Variants in EPHA3 observed in about 807,000 individuals in gnomAD.
The protein encoded by EPHA3 is ephrin type-A receptor 3.
In EPHA3, 42 loss-of-function variants were observed where a neutral mutation model predicts 107.1. The ratio of observed to expected loss-of-function variants is 0.39; its 90% CI spans 0.31 to 0.51. The LOEUF is 0.51. Among genes scored for constraint, EPHA3 ranks in the 20% least tolerant of loss-of-function variants. EPHA3 has a pLI of 0.78. For synonymous variants in EPHA3, 461 were observed against 424.8 expected, an observed-to-expected ratio of 1.09 and a Z score of -1.05; for missense variants, 1,183 against 1,211.2, an observed-to-expected ratio of 0.98 and a Z score of 0.35.
At chr3:89,272,248 G>A (rs73135456) in intron 3 of EPHA3, among the ~76,000 whole-genome samples, 4 of 151,298 alleles carry the variant, frequency 2.6e-5, no homozygotes, top group South Asian at 2.1e-4. Context: ...AGGGTCAACC[G>A]TACTACCATT....
At chr3:89,159,695 C>A (rs539025651) in intron 2 of EPHA3, among the ~76,000 whole-genome samples, 6 of 152,024 alleles carry the variant, frequency 3.9e-5, no homozygotes, top group East Asian at 1.9e-4. Context: ...GAATCCAAAG[C>A]GGATAAATAT....
intron 16 of EPHA3, among the ~76,000 whole-genome samples, chr3:89,473,378 A>G (rs1710444921): frequency 6.6e-6 from 1 of 152,174 alleles, no homozygotes; most frequent in Non-Finnish European, 1.5e-5. Flanking sequence ...GACTCAAGGA[A>G]AGGTGGTATA....
intron 3 of EPHA3, among the ~76,000 whole-genome samples, chr3:89,287,531 A>G (rs1706117207): frequency 1.3e-5 from 2 of 152,080 alleles, no homozygotes; most frequent in South Asian, 2.1e-4. Flanking sequence ...GCTAAGAAAA[A>G]GAAAGAAGCA....
chr3:89,252,234 G>C (rs567670814), intron 3 of EPHA3, among the ~76,000 whole-genome samples: 1 of 151,976 alleles, frequency 6.6e-6, no homozygotes, highest in Non-Finnish European at 1.5e-5. Context: ...ATGTTTCATT[G>C]AATTCTTTGA....
In EPHA3 at chr3:89,419,339, G is replaced by A. The variant is rs1378861144; in HGVS notation, c.2023G>A (p.Gly675Arg). The A allele has an allele frequency of 1.2e-6, 2 of 1,609,678 alleles. No homozygotes were observed. Among genetic ancestry groups the A allele is most frequent in the Admixed American group, 1.7e-5 (1 of 59,552 alleles). The change falls in exon 11 of 17, where the codon GGA becomes AGA. Residue 675 changes from glycine to arginine, a missense_variant. Physicochemically the swap from Gly to Arg is moderately radical, Grantham distance 125. Transcript: ENST00000336596. ...RDFLGEASIMGQFDHPNIIRL... is the reference protein window; with the variant it reads ...RDFLGEASIMRQFDHPNIIRL... Reference sequence around the variant, plus strand: ...CTTCCTGGGAGAAGCAAGCATTATGGGACAGTTTGACCACCCCAATATCAT... The same window carrying A: ...CTTCCTGGGAGAAGCAAGCATTATGAGACAGTTTGACCACCCCAATATCAT...
intron 3 of EPHA3, among the ~76,000 whole-genome samples, chr3:89,226,309 A>T (rs1704502591): frequency 6.6e-6 from 1 of 152,118 alleles, no homozygotes; most frequent in Admixed American, 6.6e-5. Context: ...ATAAAGTGAC[A>T]TCATGTTTTT....
Position 89,241,496 on chromosome 3 carries a change from G to T in EPHA3, c.814+30976G>T, listed in dbSNP as rs1458599998. Among the ~76,000 whole-genome samples the T allele has an allele frequency of 2.0e-5, 3 of 151,940 alleles. No individual in the cohort carries two copies. In the East Asian group the frequency reaches 5.8e-4, roughly 29 times the overall value. On this transcript the variant is annotated intron_variant, in intron 3 of 16. Coordinates refer to ENST00000336596, the MANE Select transcript of EPHA3 (RefSeq NM_005233.6). Reference sequence around the variant, plus strand: ...CAATAATGATAACATTTCTACTATTGTGTATATTAAGACTATTATACCTGC... The same window carrying T: ...CAATAATGATAACATTTCTACTATTTTGTATATTAAGACTATTATACCTGC...
At chr3:89,114,516 G>A (rs1456721935) in intron 1 of EPHA3, among the ~76,000 whole-genome samples, 1 of 152,178 alleles carries the variant, frequency 6.6e-6, no homozygotes, top group Admixed American at 6.5e-5. Context: ...TCAGCCCTCT[G>A]GAGGCCAGTG....
intron 3 of EPHA3, among the ~76,000 whole-genome samples, chr3:89,295,366 G>C (rs965571487): frequency 3.9e-5 from 5 of 128,794 alleles, no homozygotes; most frequent in African/African-American, 1.7e-4. Flanking sequence ...GATCAGGATG[G>C]TGGTTGCTGA....
intron 13 of EPHA3, among the ~76,000 whole-genome samples, chr3:89,443,773 C>T (rs922186286): frequency 2.0e-5 from 3 of 152,004 alleles, no homozygotes; most frequent in African/African-American, 7.2e-5. Flanking sequence ...CTGGACATCC[C>T]AGATTAGGCA....
intron 3 of EPHA3, among the ~76,000 whole-genome samples, chr3:89,274,082 A>C (rs1297555324): frequency 6.6e-6 from 1 of 151,956 alleles, no homozygotes; most frequent in Non-Finnish European, 1.5e-5. Context: ...CCATTCTGTC[A>C]TGTCTACAAA....
At chr3:89,370,564 G>A (rs939931876) in intron 5 of EPHA3, among the ~76,000 whole-genome samples, 1 of 151,768 alleles carries the variant, frequency 6.6e-6, no homozygotes, top group Non-Finnish European at 1.5e-5. Context: ...GCTAAATGAC[G>A]AGTTGATTGG....
intron 3 of EPHA3, among the ~76,000 whole-genome samples, chr3:89,248,173 T>C (rs1705079888): frequency 6.6e-6 from 1 of 152,176 alleles, no homozygotes; most frequent in South Asian, 2.1e-4. Context: ...GCCTGCACTT[T>C]TTCACCATGA....
intron 13 of EPHA3, among the ~76,000 whole-genome samples, chr3:89,432,883 TA>T (rs930770733): frequency 6.6e-6 from 1 of 152,116 alleles, no homozygotes; most frequent in African/African-American, 2.4e-5. Flanking sequence ...TGTTTTAACT[TA>T]AAAATATAAA....
intron 3 of EPHA3, among the ~76,000 whole-genome samples, chr3:89,249,174 T>C (rs892092679): frequency 6.6e-6 from 1 of 152,170 alleles, no homozygotes; most frequent in Non-Finnish European, 1.5e-5. Flanking sequence ...GGAGAGCTTT[T>C]GTTCTTGAAA....
In EPHA3 at chr3:89,188,592, C is replaced by T. The variant is rs186018963; in HGVS notation, c.154-21268C>T. On this transcript the variant is annotated intron_variant, in intron 2 of 16. Transcript: ENST00000336596. The stretch of plus-strand genomic sequence containing the variant: ...CCAATATCACCATCTACATATTGAC[C>T]GTCCTTATATTATATCCTTGACTTC... 4.3e-3 allele frequency among the ~76,000 whole-genome samples: 662 copies of T among 152,194 alleles called. 2 individuals carry two copies. The highest frequency in any genetic ancestry group is 6.9e-3 in the Non-Finnish European group (470 of 68,014).
intron 5 of EPHA3, among the ~76,000 whole-genome samples, chr3:89,346,179 T>C (rs1469181738): frequency 8.3e-6 from 1 of 120,160 alleles, no homozygotes; most frequent in Non-Finnish European, 1.8e-5. Context: ...TCTAGATCCC[T>C]GAGGAATCGC....
chr3:89,284,583 G>A (rs1706032625), intron 3 of EPHA3, among the ~76,000 whole-genome samples: 1 of 151,910 alleles, frequency 6.6e-6, no homozygotes, highest in Non-Finnish European at 1.5e-5. Context: ...TGATTATTTA[G>A]AATAAAATCA....
chr3:89,167,944 A>G (rs929770268), intron 2 of EPHA3, among the ~76,000 whole-genome samples: 19 of 152,178 alleles, frequency 1.2e-4, no homozygotes, highest in African/African-American at 4.8e-5. Context: ...ACACAAATAT[A>G]CATACATATA....
Sources: gnomAD v4.1 joint callset for allele counts (sites outside exome capture counted in the v4.1 genomes callset) on GRCh38, gnomAD v4.1.1 for gene constraint, MANE v1.5 for transcripts, NCBI Gene and HGNC (gene_info 2026-07-23, HGNC 2026-07-21) for gene names.